ERCC6: variants seen among roughly 807,000 people sequenced by gnomAD.
ERCC6 encodes the protein DNA excision repair protein ERCC-6.
In ERCC6, 116 loss-of-function variants were observed where a neutral mutation model predicts 158.7. The observed-to-expected ratio is 0.73, with a 90% CI of 0.63 to 0.85. ERCC6 has a LOEUF of 0.85. ERCC6 is among the 40% of genes least tolerant of loss of function. The probability of loss-of-function intolerance (pLI) is 0.00; values close to 1 mark genes in which losing one functional copy is unlikely to be tolerated. For missense variants in ERCC6, 1,698 were observed against 1,799.4 expected, an observed-to-expected ratio of 0.94 and a Z score of 1.02; for synonymous variants, 678 against 659.3, an observed-to-expected ratio of 1.03 and a Z score of -0.43.
intron 5 of ERCC6, chr10:49,515,762 G>C (rs1836933413): frequency 6.2e-7 from 1 of 1,614,026 alleles, no homozygotes; most frequent in African/African-American, 1.3e-5. Context: ...CTTTGATCAT[G>C]TTTGGCTGCT....
intron 8 of ERCC6, among the ~76,000 whole-genome samples, chr10:49,489,610 C>T (rs1265386463): frequency 2.0e-5 from 3 of 152,012 alleles, no homozygotes; most frequent in Admixed American, 6.6e-5. Context: ...TTGATCAAAA[C>T]GAAACAAAAC....
Position 49,454,894 on chromosome 10 carries a change from T to C in ERCC6, c.*3921A>G, listed in dbSNP as rs533984667. On this transcript the variant is annotated 3_prime_UTR_variant, in exon 21 of 21. Coordinates refer to ENST00000355832, the MANE Select transcript of ERCC6 (RefSeq NM_000124.4). ...AAGAAACATTTCCGTACATTATATGTAAATTGGTAAAGGTGGCCTTATACA... is the reference window on the plus strand; with the variant it reads ...AAGAAACATTTCCGTACATTATATGCAAATTGGTAAAGGTGGCCTTATACA... 3.4e-3 allele frequency among the ~76,000 whole-genome samples: 514 copies of C among 152,310 alleles called. 3 individuals carry two copies. The highest frequency in any genetic ancestry group is 0.012 in the African/African-American group (489 of 41,564).
Position 49,473,469 on chromosome 10 carries a change from C to T in ERCC6, c.2709+8G>A. ...CCACTCAACTTCCCTGTTACATTCA[C>T]ATGTTACCTCATTGTATCTCGTAAT... On this transcript the variant is annotated splice_region_variant and intron_variant, in intron 14 of 20. Transcript: ENST00000355832. 6.5e-7 allele frequency: 1 copy of T among 1,549,948 alleles called. No individual in the cohort carries two copies. Among genetic ancestry groups the T allele is most frequent in the Non-Finnish European group, 8.9e-7 (1 of 1,121,384 alleles).
At chr10:49,534,506 G>A (rs1837551351) in intron 1 of ERCC6, among the ~76,000 whole-genome samples, 1 of 152,144 alleles carries the variant, frequency 6.6e-6, no homozygotes, top group African/African-American at 2.4e-5. Flanking sequence ...TTCATGGTAT[G>A]AACACACTTA....
chr10:49,496,045 C>G (rs72792895), intron 7 of ERCC6, among the ~76,000 whole-genome samples: 9,368 of 152,294 alleles, frequency 0.062, 380 homozygotes, highest in Non-Finnish European at 0.093. Context: ...CATTATCCTA[C>G]CACTTGCTCC....
intron 5 of ERCC6, chr10:49,516,133 C>T (rs758711210): frequency 3.1e-6 from 5 of 1,614,032 alleles, no homozygotes; most frequent in East Asian, 4.5e-5. Flanking sequence ...AGTGACGCAC[C>T]GACACCATAT....
At chr10:49,472,581 TTGACTCA>T (rs1850800218) in intron 15 of ERCC6, 111 bp from the exon 16 acceptor site, 2 of 1,161,544 alleles carry the variant, frequency 1.7e-6, no homozygotes, top group African/African-American at 3.0e-5. Flanking sequence ...AGTTAGAATT[TTGACTCA>T]TGACGTCAAG....
chr10:49,492,385 A>C (rs1851189963), intron 8 of ERCC6, among the ~76,000 whole-genome samples: 1 of 152,210 alleles, frequency 6.6e-6, no homozygotes, highest in Non-Finnish European at 1.5e-5. Context: ...GCAAATTCAC[A>C]GTGAAACTGC....
At chr10:49,511,053 G>A (rs908208488) in intron 5 of ERCC6, among the ~76,000 whole-genome samples, 10 of 151,432 alleles carry the variant, frequency 6.6e-5, no homozygotes, top group Non-Finnish European at 1.5e-5. Context: ...TCATCATTTT[G>A]AACAATAAAA....
At chr10:49,536,668 T>G (rs923196609) in intron 1 of ERCC6, among the ~76,000 whole-genome samples, 4 of 152,158 alleles carry the variant, frequency 2.6e-5, no homozygotes, top group African/African-American at 9.7e-5. Flanking sequence ...TGATGATTGC[T>G]GTGGAGGACC....
intron 18 of ERCC6, 145 bp from the exon 19 acceptor site, chr10:49,461,701 TAGTA>T (rs1277814346): frequency 2.5e-6 from 2 of 804,078 alleles, no homozygotes; most frequent in Admixed American, 2.3e-5. Context: ...TGATAAAAAA[TAGTA>T]AGATAATTCA....
intron 18 of ERCC6, among the ~76,000 whole-genome samples, chr10:49,464,730 GGCTTCA>G (rs1850643113): frequency 6.6e-6 from 1 of 152,216 alleles, no homozygotes; most frequent in Non-Finnish European, 1.5e-5. Flanking sequence ...CTCAGGCTGT[GGCTTCA>G]GATGGTGCAA....
At chr10:49,516,202 C>A in intron 5 of ERCC6, 1 of 1,614,056 alleles carries the variant, frequency 6.2e-7, no homozygotes, top group Non-Finnish European at 8.5e-7. Flanking sequence ...CAAATGTAGC[C>A]CAGACAGGTG....
chr10:49,515,863 C>T (rs146441160), intron 5 of ERCC6: 17 of 1,614,066 alleles, frequency 1.1e-5, no homozygotes, highest in Non-Finnish European at 1.3e-5. Context: ...ACAGTGACAA[C>T]ACTGTTATCA....
At chr10:49,530,610 TA>T in intron 3 of ERCC6, 109 bp downstream of exon 3, 1 of 1,510,604 alleles carries the variant, frequency 6.6e-7, no homozygotes, top group Non-Finnish European at 8.9e-7. Flanking sequence ...ATTGTAATTA[TA>T]AGTATTTGCT....
intron 4 of ERCC6, among the ~76,000 whole-genome samples, chr10:49,527,286 G>A (rs1312130997): frequency 6.6e-6 from 1 of 152,176 alleles, no homozygotes; most frequent in East Asian, 1.9e-4. Context: ...GGCCAGACAG[G>A]AACAAACATC....
intron 5 of ERCC6, among the ~76,000 whole-genome samples, chr10:49,513,797 A>G (rs760427504): frequency 6.6e-6 from 1 of 152,084 alleles, no homozygotes; most frequent in Non-Finnish European, 1.5e-5. Context: ...TCAAGATGAG[A>G]TTTGGGTGGG....
intron 8 of ERCC6, among the ~76,000 whole-genome samples, chr10:49,484,107 T>A (rs1851034237): frequency 6.6e-6 from 1 of 151,058 alleles, no homozygotes; most frequent in African/African-American, 2.4e-5. Context: ...GGTGAAAGCC[T>A]ATCTCTAAAA....
chr10:49,436,511 C>A, the ERCC6 span, among the ~76,000 whole-genome samples: 1 of 151,978 alleles, frequency 6.6e-6, no homozygotes, highest in Non-Finnish European at 1.5e-5. Flanking sequence ...TAAAAATGAA[C>A]AGGAAAAAGA....
Sources: allele counts gnomAD v4.1 joint callset (sites outside exome capture counted in the v4.1 genomes callset), GRCh38; gene constraint gnomAD v4.1.1; transcripts MANE v1.5; gene names NCBI Gene and HGNC (gene_info 2026-07-23, HGNC 2026-07-21).